PALM2AKAP2: variants seen among roughly 807,000 people sequenced by gnomAD.
The protein encoded by PALM2AKAP2 is PALM2 and AKAP2 fusion, also known as PALM2-AKAP2 fusion protein.
Under a neutral mutation model 71.5 loss-of-function variants are expected in PALM2AKAP2, and 37 were observed. That is an observed-to-expected ratio of 0.52 (90% CI 0.40 to 0.68). The LOEUF is 0.68. Among genes scored for constraint, PALM2AKAP2 ranks in the 30% least tolerant of loss-of-function variants. The probability of loss-of-function intolerance (pLI) is 0.00; values close to 1 mark genes in which losing one functional copy is unlikely to be tolerated. For missense variants in PALM2AKAP2, 1,224 were observed against 1,191.8 expected, an observed-to-expected ratio of 1.03 and a Z score of -0.40; for synonymous variants, 468 against 478.8, an observed-to-expected ratio of 0.98 and a Z score of 0.29.
chr9:109,748,886 C>G (rs774811265), intron 1 of PALM2AKAP2, among the ~76,000 whole-genome samples: 13 of 152,180 alleles, frequency 8.5e-5, no homozygotes, highest in Non-Finnish European at 1.6e-4. Flanking sequence ...GGTCCTCCCT[C>G]TGTGCAAGGT....
At chr9:110,091,528 T>G (rs992947262) in intron 1 of PALM2AKAP2, among the ~76,000 whole-genome samples, 13 of 142,090 alleles carry the variant, frequency 9.1e-5, no homozygotes, top group African/African-American at 3.2e-4. Flanking sequence ...AGTAGCACGA[T>G]CTCCGCTCAC....
chr9:110,055,684 A>G (rs1458668205), intron 1 of PALM2AKAP2, among the ~76,000 whole-genome samples: 1 of 152,126 alleles, frequency 6.6e-6, no homozygotes, highest in Admixed American at 6.6e-5. Flanking sequence ...AAGGATTCTC[A>G]TTGTGCAGAG....
intron 6 of PALM2AKAP2, among the ~76,000 whole-genome samples, chr9:109,963,317 A>G (rs1416564365): frequency 1.3e-5 from 2 of 152,356 alleles, no homozygotes; most frequent in East Asian, 1.9e-4. Context: ...GGAAGCAGCT[A>G]TAAACTGAAA....
At chr9:110,020,449 G>A (rs759727606) in intron 7 of PALM2AKAP2, among the ~76,000 whole-genome samples, 9 of 152,110 alleles carry the variant, frequency 5.9e-5, no homozygotes, top group Non-Finnish European at 8.8e-5. Context: ...GTGGGAGGCC[G>A]AGGTGGGTGG....
At chr9:109,649,688 C>T (rs548261303) in intron 1 of PALM2AKAP2, among the ~76,000 whole-genome samples, 84 of 152,244 alleles carry the variant, frequency 5.5e-4, no homozygotes, top group Middle Eastern at 6.8e-3. Context: ...ATTTATTATC[C>T]ATTTCCAAAT....
intron 1 of PALM2AKAP2, among the ~76,000 whole-genome samples, chr9:109,743,057 C>A (rs1408513917): frequency 6.6e-6 from 1 of 152,164 alleles, no homozygotes; most frequent in East Asian, 1.9e-4. Flanking sequence ...GAGTCCCCCT[C>A]CCATTTTTCA....
At chr9:110,160,002 A>G (rs979310747) in intron 3 of PALM2AKAP2, among the ~76,000 whole-genome samples, 1 of 152,174 alleles carries the variant, frequency 6.6e-6, no homozygotes, top group Non-Finnish European at 1.5e-5. Context: ...GGAGTCACCA[A>G]TGAGTATCTC....
chr9:109,891,967 A>T (rs1453155208), intron 3 of PALM2AKAP2, among the ~76,000 whole-genome samples: 1 of 152,192 alleles, frequency 6.6e-6, no homozygotes, highest in Non-Finnish European at 1.5e-5. Context: ...ATCATTTTTC[A>T]TTATATGTTA....
chr9:109,912,742 AAGAT>A (rs1830600368), intron 3 of PALM2AKAP2, among the ~76,000 whole-genome samples: 1 of 152,186 alleles, frequency 6.6e-6, no homozygotes. Context: ...ACAGACAGAT[AAGAT>A]AGATAGATCG....
At chr9:109,990,670 A>G (rs962714770) in intron 6 of PALM2AKAP2, among the ~76,000 whole-genome samples, 1 of 152,218 alleles carries the variant, frequency 6.6e-6, no homozygotes, top group Admixed American at 6.5e-5. Context: ...GCTAGGTTGA[A>G]CAAAGGCAGC....
rs1257248680 is a variant in PALM2AKAP2 at position 110,014,803 on chromosome 9, AAT to A, written c.497-1150_497-1149del. Among the ~76,000 whole-genome samples the A allele has an allele frequency of 1.0e-2, 160 of 16,018 alleles. 20 individuals carry two copies. The highest frequency in any genetic ancestry group is 0.016 in the Non-Finnish European group (120 of 7,300). 10.5% of individuals were successfully genotyped at this position (16,018 alleles called of 152,430 possible). A position where few individuals can be genotyped will look rare whatever the true frequency, so the allele number is the denominator to read the frequency against. ...TCAAAAAAAAAAAAAAAAAAAAAAA[AAT>A]GTATATATATATATATATATATATA... On this transcript the variant is annotated intron_variant, in intron 6 of 9. Transcript: ENST00000302798.
chr9:110,135,164 A>AAAAAAAAAAAAAATAT lies in PALM2AKAP2; in HGVS notation c.157-962_157-961insAAAAAAAAAAAATATA. On this transcript the variant is annotated intron_variant, in intron 1 of 3. Transcript: ENST00000374525. ...AACTCTGTCTCTACAAAAAAAAAAA[A>AAAAAAAAAAAAAATAT]ATATATAAATATATATATATATATA... 5.0e-4 allele frequency among the ~76,000 whole-genome samples: 26 copies of AAAAAAAAAAAAAATAT among 51,702 alleles called. 4 individuals are homozygous for AAAAAAAAAAAAAATAT. Among genetic ancestry groups the AAAAAAAAAAAAAATAT allele is most frequent in the African/African-American group, 7.3e-4 (10 of 13,628 alleles). 33.9% of individuals were successfully genotyped at this position (51,702 alleles called of 152,430 possible).
chr9:109,742,693 C>T (rs745653016), intron 1 of PALM2AKAP2, among the ~76,000 whole-genome samples: 20 of 152,116 alleles, frequency 1.3e-4, no homozygotes, highest in Non-Finnish European at 2.8e-4. Flanking sequence ...CCACATAAAC[C>T]TATGCTGGCC....
At chr9:109,756,411 G>C (rs1038970668) in intron 1 of PALM2AKAP2, among the ~76,000 whole-genome samples, 1 of 152,126 alleles carries the variant, frequency 6.6e-6, no homozygotes, top group East Asian at 1.9e-4. Context: ...CTGAACTGTT[G>C]ATCTGTTACA....
At chr9:109,731,430 A>G (rs537554738) in intron 1 of PALM2AKAP2, among the ~76,000 whole-genome samples, 1 of 152,350 alleles carries the variant, frequency 6.6e-6, no homozygotes, top group South Asian at 2.1e-4. Context: ...AAACTGAAGA[A>G]AAAAACTAGT....
intron 7 of PALM2AKAP2, among the ~76,000 whole-genome samples, chr9:110,026,754 G>A (rs114394760): frequency 6.6e-6 from 1 of 152,116 alleles, no homozygotes; most frequent in African/African-American, 2.4e-5. Context: ...ATAGTAAAAA[G>A]CCAGTAAGGC....
intron 6 of PALM2AKAP2, among the ~76,000 whole-genome samples, chr9:109,993,834 T>C (rs1446213237): frequency 1.3e-5 from 2 of 151,624 alleles, no homozygotes; most frequent in Non-Finnish European, 2.9e-5. Flanking sequence ...TCCTCTCTCT[T>C]TTACTCTCTC....
chr9:109,887,463 TA>T (rs748961584), intron 3 of PALM2AKAP2, among the ~76,000 whole-genome samples: 5 of 152,208 alleles, frequency 3.3e-5, no homozygotes, highest in Non-Finnish European at 7.3e-5. Flanking sequence ...CCTTCCAAAA[TA>T]AAACTATATA....
intron 6 of PALM2AKAP2, among the ~76,000 whole-genome samples, chr9:109,948,142 G>A (rs145987450): frequency 6.6e-6 from 1 of 152,164 alleles, no homozygotes; most frequent in Non-Finnish European, 1.5e-5. Flanking sequence ...AAAAAGAAAA[G>A]TCGTTTATTA....
Sources: gnomAD v4.1 joint callset for allele counts (sites outside exome capture counted in the v4.1 genomes callset) on GRCh38, gnomAD v4.1.1 for gene constraint, MANE v1.5 for transcripts, NCBI Gene and HGNC (gene_info 2026-07-23, HGNC 2026-07-21) for gene names.